The following WRN variants were observed in gnomAD, a reference collection of about 807,000 sequenced individuals.
WRN encodes the protein bifunctional 3'-5' exonuclease/ATP-dependent helicase WRN.
A neutral mutation model predicts 180.7 loss-of-function variants in WRN; 149 were observed. That is an observed-to-expected ratio of 0.82 (90% CI 0.72 to 0.94). The LOEUF is 0.94. WRN is among the 40% of genes least tolerant of loss of function. The pLI is 0.00. For missense variants in WRN, 1,661 were observed against 1,700.1 expected (o/e 0.98, Z 0.40); for synonymous variants, 548 against 568.9 (o/e 0.96, Z 0.52).
chr8:31,158,052 C>A (rs920568409), intron 33 of WRN, among the ~76,000 whole-genome samples: 2 of 152,084 alleles, frequency 1.3e-5, no homozygotes, highest in Non-Finnish European at 2.9e-5. Flanking sequence ...TTTTTATTTT[C>A]CTTTTCAGCT....
chr8:31,088,952 T>C lies in WRN; in HGVS notation c.1639T>C (p.Ser547Pro), dbSNP rs1455599932. The change falls in exon 13 of 35, where the codon TCC (serine) becomes CCC (proline). Residue 547 changes from serine to proline, a missense_variant. Transcript: ENST00000298139. The stretch of plus-strand genomic sequence containing the variant: ...TTGCCTCAAGATGTACTTTGGCCAT[T>C]CCAGTTTTAAACCGTGAGTATAATC... The part of the protein sequence containing the change: ...VTCLKMYFGH[S>P]SFKPVQWKVI... 1.9e-6 allele frequency: 3 copies of C among 1,610,914 alleles called. No individual in the cohort carries two copies. The highest frequency in any genetic ancestry group is 8.5e-7 in the Non-Finnish European group (1 of 1,178,382).
Position 31,175,243 on chromosome 8 carries a change from T to A in WRN, c.*2141T>A, listed in dbSNP as rs1299062381. 6.6e-6 allele frequency among the ~76,000 whole-genome samples: 1 copy of A among 152,090 alleles called. No individual in the cohort carries two copies. Among genetic ancestry groups the A allele is most frequent in the Non-Finnish European group, 1.5e-5 (1 of 68,016 alleles). On this transcript the variant is annotated 3_prime_UTR_variant, in exon 35 of 35. Transcript: ENST00000298139. Reference sequence around the variant, plus strand: ...CGAGATCAGGAGATCGAGACCACCCTGGCCAACATGGTGAAACCCCGTCTC... The same window carrying A: ...CGAGATCAGGAGATCGAGACCACCCAGGCCAACATGGTGAAACCCCGTCTC...
Position 31,092,810 on chromosome 8 carries a change from T to C in WRN, c.1898+912T>C, listed in dbSNP as rs537075513. On this transcript the variant is annotated intron_variant, in intron 16 of 34. Coordinates refer to ENST00000298139, the MANE Select transcript of WRN (RefSeq NM_000553.6). ...GCCACTGCTCCGATTTTCTCTACCA[T>C]AGTTTGGTAGAATGCCATATAAATG... Among the ~76,000 whole-genome samples, 13 of 152,244 alleles carry C rather than the reference T, an allele frequency of 8.5e-5. No individual in the cohort carries two copies. In the East Asian group the frequency reaches 2.5e-3, roughly 29 times the overall value.
chr8:31,063,684 A>G (rs774643283), intron 3 of WRN, among the ~76,000 whole-genome samples: 9 of 152,216 alleles, frequency 5.9e-5, no homozygotes, highest in Non-Finnish European at 1.2e-4. Context: ...AGTGAGAAGT[A>G]GTGTCTTCAC....
Position 31,038,717 on chromosome 8 carries a change from T to G in WRN, c.-77+4744T>G, listed in dbSNP as rs191214130. On this transcript the variant is annotated intron_variant, in intron 1 of 34. Transcript: ENST00000298139. ...TATTGGAGTTTTAAGTAAATTCTTG[T>G]ATATTAGTGTGATACATTTTAAGTT... 2.6e-5 allele frequency among the ~76,000 whole-genome samples: 4 copies of G among 152,342 alleles called. No individual in the cohort carries two copies. The East Asian group carries it at 5.8e-4, about 22-fold the overall frequency.
At chr8:31,149,104 A>G (rs2130447517) in intron 30 of WRN, among the ~76,000 whole-genome samples, 1 of 152,312 alleles carries the variant, frequency 6.6e-6, no homozygotes, top group East Asian at 1.9e-4. Context: ...TTGTTAAAAA[A>G]TAAATATTCT....
Position 31,154,824 on chromosome 8 carries a change from A to G in WRN, c.3819+69A>G. ...TAAACTTGTGTTTTATCAGCTTTTTAGTATTAAAGTTCTGACTTGGGATCA... is the reference window on the plus strand; with the variant it reads ...TAAACTTGTGTTTTATCAGCTTTTTGGTATTAAAGTTCTGACTTGGGATCA... On this transcript the variant is annotated intron_variant, in intron 32 of 34. Coordinates refer to ENST00000298139, the MANE Select transcript of WRN (RefSeq NM_000553.6). 3.8e-6 allele frequency: 6 copies of G among 1,585,332 alleles called. No homozygotes were observed. The South Asian group carries it at 6.8e-5, about 18-fold the overall frequency.
chr8:31,088,399 T>G (rs2130160560), intron 12 of WRN, among the ~76,000 whole-genome samples: 1 of 152,332 alleles, frequency 6.6e-6, no homozygotes, highest in African/African-American at 2.4e-5. Flanking sequence ...TTTTCCTAAC[T>G]AAATGACATT....
intron 15 of WRN, 46 bp from the exon 16 acceptor site, chr8:31,091,784 G>C: frequency 6.9e-7 from 1 of 1,458,662 alleles, no homozygotes; most frequent in South Asian, 1.1e-5. Context: ...AAATTGATAT[G>C]TGTAATGTGT....
At chr8:31,040,947 T>C (rs935418680) in intron 1 of WRN, among the ~76,000 whole-genome samples, 1 of 152,142 alleles carries the variant, frequency 6.6e-6, no homozygotes, top group African/African-American at 2.4e-5. Context: ...TTTGAGTAGA[T>C]GTCTTCGAGA....
At position 31,125,115 on chromosome 8, in the gene WRN, G is replaced by T. The variant is rs1034540562; in HGVS notation, c.2825+115G>T. 3.9e-6 allele frequency: 4 copies of T among 1,018,598 alleles called. No homozygotes were observed. In the African/African-American group the frequency reaches 6.5e-5, roughly 16 times the overall value. The allele number at this position is 1,018,598 out of a possible 1,614,324, so 63.1% of individuals were successfully genotyped here. On this transcript the variant is annotated intron_variant, in intron 23 of 34. Coordinates refer to ENST00000298139, the MANE Select transcript of WRN (RefSeq NM_000553.6). ...ATTTCAGTTTTTTAAACAAAACAAT[G>T]AATGTGTTTAGATATGAGAAAGCAA... is the stretch of plus-strand genomic sequence containing the variant.
chr8:31,058,277 C>G (rs1009540276), intron 1 of WRN, 95 bp from the exon 2 acceptor site: 35 of 596,324 alleles, frequency 5.9e-5, no homozygotes, highest in Middle Eastern at 4.4e-4. Context: ...TTTTGTGATT[C>G]TAGCTCTTAT....
intron 23 of WRN, among the ~76,000 whole-genome samples, chr8:31,126,057 A>T (rs1801922524): frequency 6.6e-6 from 1 of 151,784 alleles, no homozygotes; most frequent in Non-Finnish European, 1.5e-5. Flanking sequence ...CTACAGTTAC[A>T]TTTGGTGACT....
At chr8:31,172,021 G>C (rs1804117634) in intron 34 of WRN, among the ~76,000 whole-genome samples, 1 of 152,106 alleles carries the variant, frequency 6.6e-6, no homozygotes, top group Non-Finnish European at 1.5e-5. Context: ...GTTATCCTGA[G>C]GATCTAGTAC....
intron 18 of WRN, among the ~76,000 whole-genome samples, chr8:31,107,515 C>T (rs1585465807): frequency 6.6e-6 from 1 of 152,258 alleles, no homozygotes; most frequent in Admixed American, 6.5e-5. Context: ...GTTGGCCGAG[C>T]AGTGGCTGAG....
At chr8:31,103,928 G>A (rs891570526) in intron 18 of WRN, among the ~76,000 whole-genome samples, 3 of 152,000 alleles carry the variant, frequency 2.0e-5, no homozygotes, top group East Asian at 3.9e-4. Flanking sequence ...TAGAGGCAGC[G>A]TTTCACCGTG....
intron 33 of WRN, among the ~76,000 whole-genome samples, chr8:31,162,953 A>G (rs913157251): frequency 6.6e-6 from 1 of 152,214 alleles, no homozygotes; most frequent in Non-Finnish European, 1.5e-5. Context: ...CCCTCTAAAT[A>G]TGATTATTTT....
chr8:31,156,242 G>C (rs964232261), intron 32 of WRN, among the ~76,000 whole-genome samples: 1 of 152,180 alleles, frequency 6.6e-6, no homozygotes, highest in African/African-American at 2.4e-5. Context: ...GGGGTTTCAT[G>C]TGTTAGTTTA....
intron 19 of WRN, 65 bp downstream of exon 19, chr8:31,111,864 T>C (rs1585472239): frequency 3.9e-6 from 6 of 1,542,350 alleles, no homozygotes; most frequent in East Asian, 4.6e-5. Context: ...ACAACTTATG[T>C]ATTTTATGTT....
Sources: gnomAD v4.1 joint callset for allele counts (sites outside exome capture counted in the v4.1 genomes callset) on GRCh38, gnomAD v4.1.1 for gene constraint, MANE v1.5 for transcripts, NCBI Gene and HGNC (gene_info 2026-07-23, HGNC 2026-07-21) for gene names.